The following CTBP2 variants were observed in gnomAD, a reference collection of about 807,000 sequenced individuals.
CTBP2 encodes the protein C-terminal-binding protein 2.
In CTBP2, 30 loss-of-function variants were observed where a neutral mutation model predicts 80.3. The ratio of observed to expected loss-of-function variants is 0.37; its 90% CI spans 0.28 to 0.51. The LOEUF (loss-of-function observed/expected upper bound fraction) is 0.51, where lower values mean the gene tolerates loss of function less well. Ranked by LOEUF, CTBP2 falls within the 20% of genes least tolerant of loss-of-function variation. CTBP2 has a pLI of 0.93. For synonymous variants in CTBP2, 594 were observed against 587.4 expected (o/e 1.01, Z -0.16); for missense variants, 1,212 against 1,375.3 (o/e 0.88, Z 1.88).
chr10:125,126,023 C>T (rs188730503), intron 1 of CTBP2, among the ~76,000 whole-genome samples: 5 of 152,346 alleles, frequency 3.3e-5, no homozygotes, highest in Admixed American at 6.5e-5. Flanking sequence ...AAGCCAGTGC[C>T]GTCCACCTAA....
chr10:125,121,796 A>G (rs943647121), intron 1 of CTBP2, among the ~76,000 whole-genome samples: 3 of 152,226 alleles, frequency 2.0e-5, no homozygotes, highest in Non-Finnish European at 4.4e-5. Context: ...ACCTTGCGCC[A>G]CACCACGCTG....
intron 8 of CTBP2, among the ~76,000 whole-genome samples, chr10:124,991,972 C>T (rs948134956): frequency 6.6e-6 from 1 of 151,168 alleles, no homozygotes; most frequent in African/African-American, 2.4e-5. Flanking sequence ...GTGAGGGCTC[C>T]TGTCTTTCCC....
intron 2 of CTBP2, among the ~76,000 whole-genome samples, chr10:125,083,164 T>G (rs1023274379): frequency 1.3e-5 from 2 of 152,154 alleles, no homozygotes; most frequent in African/African-American, 4.8e-5. Flanking sequence ...AAGCTAGACT[T>G]AAATTCTGCC....
At chr10:125,060,462 A>ATG (rs1964737658) in intron 2 of CTBP2, among the ~76,000 whole-genome samples, 2 of 109,172 alleles carry the variant, frequency 1.8e-5, no homozygotes, top group African/African-American at 8.1e-5. Context: ...CATTCCCCCC[A>ATG]CGTGTGTGTG....
At chr10:125,102,083 ACT>A (rs1185758350) in intron 2 of CTBP2, among the ~76,000 whole-genome samples, 3 of 152,166 alleles carry the variant, frequency 2.0e-5, no homozygotes, top group Non-Finnish European at 2.9e-5. Context: ...CCCGTTCAGT[ACT>A]GTTTCATTGA....
At chr10:125,091,496 G>GC (rs1848753740) in intron 2 of CTBP2, among the ~76,000 whole-genome samples, 2 of 152,190 alleles carry the variant, frequency 1.3e-5, no homozygotes, top group African/African-American at 2.4e-5. Context: ...ACATAGGCCA[G>GC]GTGCAGTGGC....
At chr10:125,092,176 C>CTTTTTTTTTTTTTTT (rs71029238) in intron 2 of CTBP2, among the ~76,000 whole-genome samples, 1 of 87,100 alleles carries the variant, frequency 1.1e-5, no homozygotes, top group Non-Finnish European at 2.2e-5. Flanking sequence ...TCTGAAGATT[C>CTTTTTTTTTTTTTTT]TTTTTTTTTT....
chr10:125,074,702 A>C (rs1846028927), intron 2 of CTBP2, among the ~76,000 whole-genome samples: 1 of 152,266 alleles, frequency 6.6e-6, no homozygotes, highest in Non-Finnish European at 1.5e-5. Flanking sequence ...CAGAGTGCAC[A>C]GCATGTATTC....
In CTBP2 at chr10:124,988,825, A is replaced by G. The variant is rs1416671990; in HGVS notation, c.*693T>C. The stretch of plus-strand genomic sequence containing the variant: ...AAGACTTTCCACTCAATAAAATAGC[A>G]GAGGATCTGAAACTGAGAAAATATA... On this transcript the variant is annotated 3_prime_UTR_variant, in exon 9 of 9. Transcript: ENST00000309035. 3 of 152,610 alleles carry G rather than the reference A, an allele frequency of 2.0e-5. No individual in the cohort carries two copies. Among genetic ancestry groups the G allele is most frequent in the Non-Finnish European group, 4.4e-5 (3 of 68,052 alleles). The allele number at this position is 152,610 out of a possible 1,614,324, so 9.5% of individuals were successfully genotyped here. A position where few individuals can be genotyped will look rare whatever the true frequency, so the allele number is the denominator to read the frequency against.
At chr10:125,137,324 C>T (rs1341476900) in intron 1 of CTBP2, among the ~76,000 whole-genome samples, 1 of 152,162 alleles carries the variant, frequency 6.6e-6, no homozygotes, top group Non-Finnish European at 1.5e-5. Flanking sequence ...AACCCCTCAG[C>T]CTTATTTCCC....
At chr10:125,060,374 T>C (rs900772196) in intron 2 of CTBP2, among the ~76,000 whole-genome samples, 1 of 152,206 alleles carries the variant, frequency 6.6e-6, no homozygotes, top group African/African-American at 2.4e-5. Flanking sequence ...TCGTCATTAT[T>C]TGAGTTCAAG....
intron 1 of CTBP2, among the ~76,000 whole-genome samples, chr10:125,003,789 G>C (rs1482596173): frequency 6.6e-6 from 1 of 152,158 alleles, no homozygotes; most frequent in Non-Finnish European, 1.5e-5. Flanking sequence ...GGCTAGTCCA[G>C]CACAGGACGG....
rs372356299 is a variant in CTBP2 at position 125,044,303 on chromosome 10, G to C, written c.-101-5148C>G. 1.5e-3 allele frequency among the ~76,000 whole-genome samples: 222 copies of C among 152,348 alleles called. 5 individuals carry two copies. In the South Asian group the frequency reaches 0.046, roughly 31 times the overall value. ...ACAGTCCAGGCGGTGGTGACACCCAGCTCTTGCACACATAGCCGAGGATCC... is the reference window on the plus strand; with the variant it reads ...ACAGTCCAGGCGGTGGTGACACCCACCTCTTGCACACATAGCCGAGGATCC... On this transcript the variant is annotated intron_variant, in intron 2 of 10. Transcript: ENST00000337195.
chr10:125,025,285 A>G (rs1316153791), intron 1 of CTBP2, among the ~76,000 whole-genome samples: 2 of 152,236 alleles, frequency 1.3e-5, no homozygotes, highest in African/African-American at 4.8e-5. Flanking sequence ...GTTAAAATAA[A>G]AATTGTAAAT....
At chr10:125,158,414 C>A (rs889330778) in intron 1 of CTBP2, among the ~76,000 whole-genome samples, 1 of 152,128 alleles carries the variant, frequency 6.6e-6, no homozygotes, top group South Asian at 2.1e-4. Flanking sequence ...AATATAACGT[C>A]CCCTCAAAAT....
At chr10:125,159,415 CCCCGCCCGCGCCCGCCGCCCGG>C in intron 1 of CTBP2, among the ~76,000 whole-genome samples, 1 of 145,412 alleles carries the variant, frequency 6.9e-6, no homozygotes, top group Non-Finnish European at 1.5e-5. Context: ...CCCGCCCGGC[CCCCGCCCGCGCCCGCCGCCCGG>C]CCCGCCCAGG....
chr10:125,058,816 C>A (rs1378291102), intron 2 of CTBP2, among the ~76,000 whole-genome samples: 1 of 152,108 alleles, frequency 6.6e-6, no homozygotes, highest in Non-Finnish European at 1.5e-5. Flanking sequence ...ATCATTTGAA[C>A]CCGGGAGGCG....
rs777985668 is a variant in CTBP2 at position 124,998,004 on chromosome 10, C to T, written c.2145G>A (p.Ala715=). ...CCAGCGTCTCCCCACGGATGCGGGC[C>T]GCTCCCGAGGCCACCTCGCGGATCT... is the stretch of plus-strand genomic sequence containing the variant. Residue 715 remains alanine, a synonymous_variant, in exon 4 of 9, where the codon GCG becomes GCA. Transcript: ENST00000309035. 1.2e-5 allele frequency: 20 copies of T among 1,612,934 alleles called. No individual in the cohort carries two copies. The highest frequency in any genetic ancestry group is 8.9e-5 in the East Asian group (4 of 44,872).
At chr10:125,136,595 A>G (rs916607816) in intron 1 of CTBP2, among the ~76,000 whole-genome samples, 2 of 152,186 alleles carry the variant, frequency 1.3e-5, no homozygotes, top group African/African-American at 4.8e-5. Flanking sequence ...AATGAACCCC[A>G]TGGAGCCCAT....
Sources: allele counts gnomAD v4.1 joint callset (sites outside exome capture counted in the v4.1 genomes callset), GRCh38; gene constraint gnomAD v4.1.1; transcripts MANE v1.5; gene names NCBI Gene and HGNC (gene_info 2026-07-23, HGNC 2026-07-21).